The following TRIO variants were observed in gnomAD, a reference collection of about 807,000 sequenced individuals.
The protein encoded by TRIO is trio Rho guanine nucleotide exchange factor, also known as triple functional domain protein.
A neutral mutation model predicts 351.9 loss-of-function variants in TRIO; 58 were observed. The ratio of observed to expected loss-of-function variants is 0.16; its 90% CI spans 0.13 to 0.21. The LOEUF (loss-of-function observed/expected upper bound fraction) is 0.21, where lower values mean the gene tolerates loss of function less well. Among genes scored for constraint, TRIO ranks in the 10% least tolerant of loss-of-function variants. The probability of loss-of-function intolerance (pLI) is 1.00; values close to 1 mark genes in which losing one functional copy is unlikely to be tolerated. For synonymous variants in TRIO, 1,758 were observed against 1,595.7 expected, an observed-to-expected ratio of 1.10 and a Z score of -2.42; for missense variants, 3,201 against 4,027.8, an observed-to-expected ratio of 0.79 and a Z score of 5.56.
chr5:14,308,681 C>T (rs368697794), intron 8 of TRIO, among the ~76,000 whole-genome samples: 3 of 88,928 alleles, frequency 3.4e-5, no homozygotes, highest in African/African-American at 6.7e-5. Flanking sequence ...ATCCATCCAT[C>T]CATTCATTCT....
At chr5:14,315,436 A>T (rs963621860) in intron 8 of TRIO, among the ~76,000 whole-genome samples, 1 of 152,000 alleles carries the variant, frequency 6.6e-6, no homozygotes, top group Non-Finnish European at 1.5e-5. Flanking sequence ...TATTTTTAGT[A>T]GAGACGGGGT....
At chr5:14,449,672 ACT>A (rs1312737327) in intron 34 of TRIO, among the ~76,000 whole-genome samples, 1 of 152,048 alleles carries the variant, frequency 6.6e-6, no homozygotes, top group Admixed American at 6.6e-5. Flanking sequence ...GACATGTATA[ACT>A]CCAGTCTCTA....
At chr5:14,450,807 C>T (rs1752795867) in intron 34 of TRIO, among the ~76,000 whole-genome samples, 1 of 152,180 alleles carries the variant, frequency 6.6e-6, no homozygotes, top group South Asian at 2.1e-4. Context: ...AGCCCTGGAA[C>T]CCAGGTATGT....
chr5:14,191,574 T>C lies in TRIO; in HGVS notation c.157+47692T>C, dbSNP rs537071721. Among the ~76,000 whole-genome samples the C allele has an allele frequency of 3.4e-4, 51 of 151,988 alleles. 1 individual carries two copies. Among genetic ancestry groups the C allele is most frequent in the African/African-American group, 1.2e-3 (51 of 41,424 alleles). On this transcript the variant is annotated intron_variant, in intron 1 of 56. Coordinates refer to ENST00000344204, the MANE Select transcript of TRIO (RefSeq NM_007118.4). ...AAAAAAGTGGTAGTAGTAGTACATC[T>C]TCTATTCCTGTTTTTAGAATGGGCA...
chr5:14,144,188 G>C (rs1442535753), intron 1 of TRIO, among the ~76,000 whole-genome samples: 2 of 152,224 alleles, frequency 1.3e-5, no homozygotes, highest in African/African-American at 4.8e-5. Context: ...GGCAGCCGCG[G>C]CTTCGCGGGT....
intron 28 of TRIO, 138 bp from the exon 29 acceptor site, chr5:14,396,905 C>T: frequency 2.9e-6 from 2 of 681,016 alleles, no homozygotes; most frequent in Non-Finnish European, 5.0e-6. Context: ...TAGTTTATTT[C>T]TATGAGAACA....
chr5:14,341,385 GTC>G (rs1326035647), intron 11 of TRIO, among the ~76,000 whole-genome samples: 9 of 152,168 alleles, frequency 5.9e-5, no homozygotes, highest in Non-Finnish European at 1.0e-4. Context: ...GCTTTTGTGT[GTC>G]TCCTACATTT....
At chr5:14,482,921 C>T in intron 46 of TRIO, 148 bp downstream of exon 46, 2 of 771,698 alleles carry the variant, frequency 2.6e-6, no homozygotes, top group Non-Finnish European at 3.8e-6. Flanking sequence ...GAATTCACCC[C>T]ATTTCTCTTT....
At chr5:14,387,966 C>G in intron 23 of TRIO, 119 bp downstream of exon 23, 1 of 1,027,846 alleles carries the variant, frequency 9.7e-7, no homozygotes, top group South Asian at 1.5e-5. Context: ...TTTTGTTGCT[C>G]TGGGTGGACT....
intron 1 of TRIO, among the ~76,000 whole-genome samples, chr5:14,259,101 C>G (rs1020603658): frequency 6.6e-6 from 1 of 152,176 alleles, no homozygotes; most frequent in South Asian, 2.1e-4. Flanking sequence ...TTCCCTCTGC[C>G]GGGTCCTGGA....
At chr5:14,306,018 G>A (rs955946627) in intron 8 of TRIO, among the ~76,000 whole-genome samples, 8 of 152,188 alleles carry the variant, frequency 5.3e-5, no homozygotes, top group East Asian at 1.9e-4. Context: ...AGGCTGCATC[G>A]TCTAGCTTTG....
chr5:14,184,939 C>T (rs1790015178), intron 1 of TRIO, among the ~76,000 whole-genome samples: 1 of 152,154 alleles, frequency 6.6e-6, no homozygotes, highest in South Asian at 2.1e-4. Flanking sequence ...CGGGCTCCTC[C>T]TTGGAGCAGC....
intron 1 of TRIO, among the ~76,000 whole-genome samples, chr5:14,243,795 A>G (rs1581431743): frequency 6.6e-6 from 1 of 152,300 alleles, no homozygotes; most frequent in Non-Finnish European, 1.5e-5. Context: ...AGTATGATCC[A>G]TTTTTGGTAT....
At chr5:14,211,289 G>C (rs1791876159) in intron 1 of TRIO, among the ~76,000 whole-genome samples, 1 of 152,166 alleles carries the variant, frequency 6.6e-6, no homozygotes, top group South Asian at 2.1e-4. Context: ...AAGCTTAGCT[G>C]TTAACATATA....
In TRIO at chr5:14,312,277, A is replaced by G. The variant is rs561715040; in HGVS notation, c.1501-4236A>G. Among the ~76,000 whole-genome samples the G allele has an allele frequency of 3.3e-5, 5 of 152,354 alleles. No individual in the cohort carries two copies. In the East Asian group the frequency reaches 9.6e-4, roughly 29 times the overall value. On this transcript the variant is annotated intron_variant, in intron 8 of 56. Transcript: ENST00000344204. ...ACAGTAAATATTCAAGAAGCAGCCC[A>G]TTGTTCTACATTTTAAATAGTTATA... is the stretch of plus-strand genomic sequence containing the variant.
At chr5:14,350,108 A>G (rs1010596905) in intron 11 of TRIO, among the ~76,000 whole-genome samples, 1 of 152,070 alleles carries the variant, frequency 6.6e-6, no homozygotes, top group African/African-American at 2.4e-5. Context: ...TGTTGGGAGG[A>G]GAGTGAGCTT....
At chr5:14,293,622 A>G (rs1474810884) in intron 6 of TRIO, among the ~76,000 whole-genome samples, 7 of 152,198 alleles carry the variant, frequency 4.6e-5, no homozygotes, top group African/African-American at 1.4e-4. Flanking sequence ...TCTGGCCCTC[A>G]GCCTTGCCTG....
intron 11 of TRIO, among the ~76,000 whole-genome samples, chr5:14,350,603 T>C (rs1014976632): frequency 2.0e-5 from 3 of 152,184 alleles, no homozygotes; most frequent in African/African-American, 7.2e-5. Context: ...ATCTACCCTC[T>C]GGTGCTGGAG....
chr5:14,379,689 A>C (rs940320181), intron 20 of TRIO, among the ~76,000 whole-genome samples: 19 of 152,266 alleles, frequency 1.2e-4, no homozygotes, highest in African/African-American at 4.3e-4. Context: ...CTTGAAAGAC[A>C]ATCCCTCAGC....
Sources: allele counts gnomAD v4.1 joint callset (sites outside exome capture counted in the v4.1 genomes callset), GRCh38; gene constraint gnomAD v4.1.1; transcripts MANE v1.5; gene names NCBI Gene and HGNC (gene_info 2026-07-23, HGNC 2026-07-21).